SIL1: variants seen among roughly 807,000 people sequenced by gnomAD.
SIL1 encodes nucleotide exchange factor SIL1.
In SIL1, 40 loss-of-function variants were observed where a neutral mutation model predicts 49.1. The ratio of observed to expected loss-of-function variants is 0.81; its 90% CI spans 0.63 to 1.06. The LOEUF (loss-of-function observed/expected upper bound fraction) is 1.06, where lower values mean the gene tolerates loss of function less well. Among genes scored for constraint, SIL1 ranks in the 50% least tolerant of loss-of-function variants. The pLI is 0.00. For synonymous variants in SIL1, 253 were observed against 250.8 expected (o/e 1.01, Z -0.08); for missense variants, 500 against 572.6 (o/e 0.87, Z 1.29).
intron 7 of SIL1, among the ~76,000 whole-genome samples, chr5:138,975,647 G>A (rs749814977): frequency 6.6e-6 from 1 of 152,206 alleles, no homozygotes; most frequent in African/African-American, 2.4e-5. Flanking sequence ...AAAGAATAAA[G>A]AGGAAGTGAT....
Position 139,075,744 on chromosome 5 carries a change from T to C in SIL1, c.245-24698A>G, listed in dbSNP as rs113768872. Among the ~76,000 whole-genome samples, 848 of 152,342 alleles carry C rather than the reference T, an allele frequency of 5.6e-3. 4 individuals carry two copies. The highest frequency in any genetic ancestry group is 0.02 in the African/African-American group (813 of 41,574). On this transcript the variant is annotated intron_variant, in intron 3 of 9. Coordinates refer to ENST00000394817, the MANE Select transcript of SIL1 (RefSeq NM_022464.5). ...CAATGCCCCATTATACTGAATTGAT[T>C]TTAGTTTTGCCAAATCACTAAAATA... is the stretch of plus-strand genomic sequence containing the variant.
intron 6 of SIL1, among the ~76,000 whole-genome samples, chr5:139,026,519 C>A (rs1768653374): frequency 6.6e-6 from 1 of 152,208 alleles, no homozygotes; most frequent in Admixed American, 6.5e-5. Flanking sequence ...AGGAGAATAG[C>A]TTGAACCCAG....
intron 1 of SIL1, among the ~76,000 whole-genome samples, chr5:139,132,917 G>A (rs1221619818): frequency 1.3e-5 from 2 of 152,208 alleles, no homozygotes; most frequent in Non-Finnish European, 2.9e-5. Flanking sequence ...AAAGCCAGCT[G>A]CGGTCCCTGG....
intron 1 of SIL1, among the ~76,000 whole-genome samples, chr5:139,139,302 CGGTCA>C (rs1300762445): frequency 6.6e-6 from 1 of 152,200 alleles, no homozygotes; most frequent in Non-Finnish European, 1.5e-5. Context: ...CCAGATACCA[CGGTCA>C]GGGTTCGAGG....
chr5:138,956,138 C>A (rs2150381142), intron 7 of SIL1, among the ~76,000 whole-genome samples: 1 of 152,300 alleles, frequency 6.6e-6, no homozygotes, highest in Middle Eastern at 3.4e-3. Flanking sequence ...TCCCTTAGAA[C>A]AGGAAAAAAC....
chr5:139,056,143 T>C (rs1196122091), intron 3 of SIL1, among the ~76,000 whole-genome samples: 18 of 149,908 alleles, frequency 1.2e-4, no homozygotes, highest in South Asian at 2.1e-4. Flanking sequence ...TCGTCTGGGA[T>C]GTGAGGAGCC....
At chr5:139,114,142 C>A (rs1258161505) in intron 3 of SIL1, among the ~76,000 whole-genome samples, 1 of 152,244 alleles carries the variant, frequency 6.6e-6, no homozygotes, top group African/African-American at 2.4e-5. Context: ...AAAGCCAGGG[C>A]AGACATGCTT....
At chr5:138,990,573 G>A (rs1368183151) in intron 7 of SIL1, among the ~76,000 whole-genome samples, 2 of 152,128 alleles carry the variant, frequency 1.3e-5, no homozygotes, top group Non-Finnish European at 1.5e-5. Flanking sequence ...TCCCACTTCA[G>A]TCTCCAACCA....
chr5:139,135,747 A>C (rs564818239), intron 1 of SIL1, among the ~76,000 whole-genome samples: 1 of 151,688 alleles, frequency 6.6e-6, no homozygotes, highest in Admixed American at 6.6e-5. Context: ...CAGCGACAAA[A>C]GTTAGTGCAT....
chr5:139,173,169 AT>A (rs1226086345), intron 1 of SIL1, among the ~76,000 whole-genome samples: 1 of 152,230 alleles, frequency 6.6e-6, no homozygotes, highest in East Asian at 1.9e-4. Flanking sequence ...TTAAGCTATT[AT>A]AAATTCAAAT....
chr5:139,145,296 G>A (rs1006322779), intron 1 of SIL1, among the ~76,000 whole-genome samples: 1 of 152,172 alleles, frequency 6.6e-6, no homozygotes, highest in Non-Finnish European at 1.5e-5. Context: ...TACTAGGTAT[G>A]GTTATAATTA....
chr5:139,094,982 C>T (rs567362999), intron 3 of SIL1, among the ~76,000 whole-genome samples: 61 of 152,262 alleles, frequency 4.0e-4, no homozygotes, highest in African/African-American at 1.3e-3. Context: ...AGACTGGGGT[C>T]GTTGGTTTTG....
At chr5:139,015,450 T>C (rs531356615) in intron 7 of SIL1, among the ~76,000 whole-genome samples, 1 of 152,294 alleles carries the variant, frequency 6.6e-6, no homozygotes, top group South Asian at 2.1e-4. Flanking sequence ...ACATTGATCT[T>C]AAAAAACAAA....
At chr5:139,102,437 T>C (rs965074930) in intron 3 of SIL1, among the ~76,000 whole-genome samples, 2 of 151,634 alleles carry the variant, frequency 1.3e-5, no homozygotes, top group Non-Finnish European at 2.9e-5. Flanking sequence ...TGTTTTTCTA[T>C]GTTTTCCAAG....
At chr5:139,151,275 G>A (rs957490308) in intron 1 of SIL1, among the ~76,000 whole-genome samples, 1 of 152,122 alleles carries the variant, frequency 6.6e-6, no homozygotes, top group South Asian at 2.1e-4. Flanking sequence ...AGAAGACCCT[G>A]CTCAAAACTC....
At position 139,040,498 on chromosome 5, in the gene SIL1, CTTTTTTTT is replaced by C. The variant is rs11312366; in HGVS notation, c.453+2114_453+2121del. The stretch of plus-strand genomic sequence containing the variant: ...GAGTATTTTTTCTTTTTTCTTTTTT[CTTTTTTTT>C]TTTTTTTTTGAGACAGAGTTTCTCT... On this transcript the variant is annotated intron_variant, in intron 5 of 9. Transcript: ENST00000394817. 8.5e-5 allele frequency among the ~76,000 whole-genome samples: 9 copies of C among 105,328 alleles called. 1 individual carries two copies. The highest frequency in any genetic ancestry group is 1.3e-4 in the Non-Finnish European group (7 of 53,626). 69.1% of individuals were successfully genotyped at this position (105,328 alleles called of 152,430 possible).
intron 3 of SIL1, among the ~76,000 whole-genome samples, chr5:139,066,715 T>C (rs932680126): frequency 2.0e-5 from 3 of 152,094 alleles, no homozygotes; most frequent in Admixed American, 2.0e-4. Context: ...TTTTATTTAT[T>C]ATTTTTTTGA....
intron 7 of SIL1, among the ~76,000 whole-genome samples, chr5:138,981,061 T>G (rs1283476050): frequency 6.6e-6 from 1 of 151,972 alleles, no homozygotes; most frequent in Admixed American, 6.6e-5. Context: ...AAAAATTTGC[T>G]GGCTCTGGTG....
intron 1 of SIL1, among the ~76,000 whole-genome samples, chr5:139,147,031 C>T (rs978862849): frequency 2.0e-5 from 3 of 152,174 alleles, no homozygotes; most frequent in African/African-American, 7.2e-5. Flanking sequence ...TAACACACAG[C>T]AAGCACTCAG....
Sources: gnomAD v4.1 joint callset for allele counts (sites outside exome capture counted in the v4.1 genomes callset) on GRCh38, gnomAD v4.1.1 for gene constraint, MANE v1.5 for transcripts, NCBI Gene and HGNC (gene_info 2026-07-23, HGNC 2026-07-21) for gene names.